DISC1: variants seen among roughly 807,000 people sequenced by gnomAD.
The protein encoded by DISC1 is DISC1 scaffold protein, also known as disrupted in schizophrenia 1 protein.
In DISC1, 57 loss-of-function variants were observed where a neutral mutation model predicts 84.5. That is an observed-to-expected ratio of 0.67 (90% CI 0.55 to 0.84). The LOEUF is 0.84. Ranked by LOEUF, DISC1 falls within the 40% of genes least tolerant of loss-of-function variation. DISC1 has a pLI of 0.00. For missense variants in DISC1, 1,000 were observed against 1,057.8 expected (o/e 0.95, Z 0.76); for synonymous variants, 411 against 415.2 (o/e 0.99, Z 0.12).
intron 9 of DISC1, among the ~76,000 whole-genome samples, chr1:231,874,652 C>T (rs950360379): frequency 2.0e-5 from 3 of 151,962 alleles, no homozygotes; most frequent in Admixed American, 6.5e-5. Context: ...TGGCTCACGC[C>T]TGTAATCCCA....
chr1:231,702,375 G>T, intron 3 of DISC1: 1 of 1,017,206 alleles, frequency 9.8e-7, no homozygotes, highest in Non-Finnish European at 1.2e-6. Context: ...TGATATGCTA[G>T]GGAATATGGG....
At chr1:231,646,776 A>G (rs2060172394) in intron 1 of DISC1, among the ~76,000 whole-genome samples, 1 of 152,012 alleles carries the variant, frequency 6.6e-6, no homozygotes, top group Non-Finnish European at 1.5e-5. Flanking sequence ...ATGGTATCTC[A>G]TTGTGGTTTT....
rs1196154424 is a variant in DISC1, at chr1:231,675,519, C to T, written c.68-18307C>T. ...ATAGAGATGCTATTTGTACATTTCTCCCTCATACATGTACATTTACTCTCA... is the reference window on the plus strand; with the variant it reads ...ATAGAGATGCTATTTGTACATTTCTTCCTCATACATGTACATTTACTCTCA... On this transcript the variant is annotated intron_variant, in intron 1 of 12. Transcript: ENST00000439617. This position sits in a 1 kb window ranked among gnomAD's most constrained non-coding sequence, Gnocchi z 4.1. Among the ~76,000 whole-genome samples the T allele has an allele frequency of 6.6e-6, 1 of 152,086 alleles. No homozygotes were observed. The highest frequency in any genetic ancestry group is 1.5e-5 in the Non-Finnish European group (1 of 67,998).
chr1:231,654,962 T>C (rs934253017), intron 1 of DISC1, among the ~76,000 whole-genome samples: 2 of 152,210 alleles, frequency 1.3e-5, no homozygotes, highest in African/African-American at 4.8e-5. Context: ...CCTGTGTCAC[T>C]CAAAAGCCTT....
chr1:231,722,831 G>A (rs1054014932), intron 3 of DISC1: 3 of 1,431,774 alleles, frequency 2.1e-6, no homozygotes, highest in Non-Finnish European at 2.7e-6. Flanking sequence ...TCTGCCCACT[G>A]TACCGTTTCT....
intron 9 of DISC1, among the ~76,000 whole-genome samples, chr1:231,917,572 G>A (rs2089724583): frequency 6.6e-6 from 1 of 152,148 alleles, no homozygotes; most frequent in Non-Finnish European, 1.5e-5. Context: ...ACTTTCCAAG[G>A]CTACATAGAA....
chr1:231,925,517 G>A lies in DISC1; in HGVS notation c.1982-33311G>A, dbSNP rs202113983. On this transcript the variant is annotated intron_variant, in intron 9 of 12. Transcript: ENST00000439617. Reference sequence around the variant, plus strand: ...ATGACCTCAGAGCTTCCCCTCCACTGGTGACAACACATGTAACATGCCTCC... The same window carrying A: ...ATGACCTCAGAGCTTCCCCTCCACTAGTGACAACACATGTAACATGCCTCC... Among the ~76,000 whole-genome samples the A allele has an allele frequency of 1.9e-3, 290 of 152,190 alleles. 2 individuals carry two copies. The highest frequency in any genetic ancestry group is 6.8e-3 in the African/African-American group (281 of 41,514).
intron 10 of DISC1, among the ~76,000 whole-genome samples, chr1:231,966,553 T>C (rs1014011864): frequency 4.6e-5 from 7 of 152,388 alleles, no homozygotes; most frequent in Non-Finnish European, 8.8e-5. Context: ...CTCATGTCTC[T>C]GGACCAAGTG....
chr1:231,773,706 C>T (rs1361146869), intron 6 of DISC1, among the ~76,000 whole-genome samples: 1 of 152,128 alleles, frequency 6.6e-6, no homozygotes, highest in East Asian at 1.9e-4. Context: ...TCTTGAAAGG[C>T]ATTTCAAAAG....
At chr1:231,641,252 T>C (rs1223681880) in intron 1 of DISC1, among the ~76,000 whole-genome samples, 1 of 151,946 alleles carries the variant, frequency 6.6e-6, no homozygotes, top group Admixed American at 6.6e-5. Context: ...AGTGTTACAG[T>C]TCTTAAAGGC....
intron 1 of DISC1, among the ~76,000 whole-genome samples, chr1:231,628,806 A>G (rs1277289483): frequency 6.6e-6 from 1 of 152,206 alleles, no homozygotes; most frequent in East Asian, 1.9e-4. Flanking sequence ...CAGTGGCACA[A>G]TCATGGCTCA....
intron 9 of DISC1, among the ~76,000 whole-genome samples, chr1:231,831,904 C>T (rs1210977048): frequency 1.3e-5 from 2 of 151,922 alleles, no homozygotes; most frequent in Non-Finnish European, 1.5e-5. Context: ...GCTACTATAG[C>T]ATAGCCTGCC....
chr1:231,781,169 A>G (rs1444454517), intron 6 of DISC1, among the ~76,000 whole-genome samples: 1 of 136,488 alleles, frequency 7.3e-6, no homozygotes, highest in Non-Finnish European at 1.6e-5. Context: ...TTAAAAAAAA[A>G]AAAAAAAGAA....
intron 9 of DISC1, among the ~76,000 whole-genome samples, chr1:231,898,531 T>A (rs1328253149): frequency 1.3e-5 from 2 of 152,196 alleles, no homozygotes; most frequent in Admixed American, 1.3e-4. Context: ...TTCTTGACCA[T>A]GGAAAGTTTT....
chr1:231,983,851 C>T (rs1664014610), intron 10 of DISC1, among the ~76,000 whole-genome samples: 1 of 152,292 alleles, frequency 6.6e-6, no homozygotes, highest in Middle Eastern at 3.4e-3. Context: ...CTCTGAGGGC[C>T]TCGCAGTCGT....
intron 1 of DISC1, among the ~76,000 whole-genome samples, chr1:231,690,829 T>G (rs1036686034): frequency 1.6e-4 from 25 of 152,156 alleles, no homozygotes; most frequent in Admixed American, 1.0e-3. Flanking sequence ...AGGGTTAGGA[T>G]TCATAGTGTG....
intron 9 of DISC1, among the ~76,000 whole-genome samples, chr1:231,857,483 CCCAGATCCCTG>C (rs1243641355): frequency 6.6e-6 from 1 of 152,060 alleles, no homozygotes; most frequent in Non-Finnish European, 1.5e-5. Context: ...TGGGGTTTGT[CCCAGATCCCTG>C]CCATGCCATT....
At chr1:231,857,958 G>GA (rs2084382337) in intron 9 of DISC1, among the ~76,000 whole-genome samples, 1 of 152,190 alleles carries the variant, frequency 6.6e-6, no homozygotes, top group Non-Finnish European at 1.5e-5. Flanking sequence ...AGCATAGGGA[G>GA]AAAAACATCA....
At chr1:232,036,671 G>C (rs1670547799) in intron 12 of DISC1, 21 bp from the exon 13 acceptor site, 2 of 1,554,210 alleles carry the variant, frequency 1.3e-6, no homozygotes, top group Non-Finnish European at 1.8e-6. Context: ...CTTCGAATGT[G>C]CTCCTTAACA....
Sources: gnomAD v4.1 joint callset for allele counts (sites outside exome capture counted in the v4.1 genomes callset) on GRCh38, gnomAD v4.1.1 for gene constraint, Gnocchi (gnomAD v3.1) non-coding constraint, MANE v1.5 for transcripts, NCBI Gene and HGNC (gene_info 2026-07-23, HGNC 2026-07-21) for gene names.